The following BBS9 variants were observed in gnomAD, a reference collection of about 807,000 sequenced individuals.
BBS9 encodes the protein Bardet-Biedl syndrome 9, also known as protein PTHB1.
In BBS9, 89 loss-of-function variants were observed where a neutral mutation model predicts 117.7. The ratio of observed to expected loss-of-function variants is 0.76; its 90% confidence interval spans 0.64 to 0.90. BBS9 has a LOEUF of 0.90. BBS9 is among the 40% of genes least tolerant of loss of function. The pLI is 0.00. For missense variants in BBS9, 982 were observed against 1,042.2 expected, an observed-to-expected ratio of 0.94 and a Z score of 0.80; for synonymous variants, 379 against 370.9, an observed-to-expected ratio of 1.02 and a Z score of -0.25.
At chr7:33,543,046 A>G (rs1463595179) in intron 21 of BBS9, among the ~76,000 whole-genome samples, 2 of 152,124 alleles carry the variant, frequency 1.3e-5, no homozygotes, top group Non-Finnish European at 2.9e-5. Context: ...CACTGTTTCC[A>G]TAGTGGTTGT....
At chr7:33,454,783 A>G (rs1030158199) in intron 19 of BBS9, among the ~76,000 whole-genome samples, 2 of 152,202 alleles carry the variant, frequency 1.3e-5, no homozygotes, top group Admixed American at 6.5e-5. Flanking sequence ...CAGTTTGGGC[A>G]GGGAATTCTG....
intron 21 of BBS9, among the ~76,000 whole-genome samples, chr7:33,548,400 G>T (rs948298690): frequency 6.6e-6 from 1 of 151,586 alleles, no homozygotes; most frequent in African/African-American, 2.4e-5. Flanking sequence ...ACATTGTGCA[G>T]GTTAGTTACA....
At chr7:33,580,296 C>T (rs1051673128) in intron 21 of BBS9, among the ~76,000 whole-genome samples, 6 of 151,090 alleles carry the variant, frequency 4.0e-5, no homozygotes, top group Admixed American at 1.3e-4. Context: ...GTTGATGACA[C>T]GTCTACTAGA....
chr7:33,586,180 TAAAC>T (rs1376198083), intron 21 of BBS9, among the ~76,000 whole-genome samples: 2 of 151,848 alleles, frequency 1.3e-5, no homozygotes, highest in African/African-American at 2.4e-5. Context: ...ATAAGGAACT[TAAAC>T]AAATAAACAA....
intron 21 of BBS9, among the ~76,000 whole-genome samples, chr7:33,611,840 T>A (rs2129214876): frequency 7.1e-6 from 1 of 140,374 alleles, no homozygotes; most frequent in African/African-American, 2.7e-5. Context: ...TTATATAATA[T>A]TATTATATAA....
chr7:33,531,730 A>G (rs973189568), intron 20 of BBS9, among the ~76,000 whole-genome samples: 6 of 152,196 alleles, frequency 3.9e-5, no homozygotes, highest in African/African-American at 9.6e-5. Context: ...AGAAGGGCCA[A>G]TGGGGTAGAC....
chr7:33,466,711 A>T (rs1436951774), intron 19 of BBS9, among the ~76,000 whole-genome samples: 1 of 152,142 alleles, frequency 6.6e-6, no homozygotes, highest in East Asian at 1.9e-4. Flanking sequence ...ACACTGGAAA[A>T]AAAGAAGGAT....
At chr7:33,495,264 C>T (rs1017080571) in intron 19 of BBS9, among the ~76,000 whole-genome samples, 7 of 152,136 alleles carry the variant, frequency 4.6e-5, no homozygotes, top group African/African-American at 1.7e-4. Context: ...TACCTGATCA[C>T]GTGTAATAAT....
chr7:33,280,469 A>T (rs1346905200), intron 9 of BBS9, among the ~76,000 whole-genome samples: 2 of 152,120 alleles, frequency 1.3e-5, no homozygotes, highest in East Asian at 1.9e-4. Context: ...CTGGATTTTC[A>T]TGTTTCTATT....
intron 5 of BBS9, among the ~76,000 whole-genome samples, chr7:33,228,220 C>G (rs1791667412): frequency 1.3e-5 from 2 of 152,056 alleles, no homozygotes; most frequent in African/African-American, 4.8e-5. Flanking sequence ...TTGCATTTCC[C>G]TGATAATCAG....
chr7:33,231,131 A>T (rs911988702), intron 5 of BBS9, among the ~76,000 whole-genome samples: 1 of 151,966 alleles, frequency 6.6e-6, no homozygotes, highest in Non-Finnish European at 1.5e-5. Context: ...TGTAAGATGA[A>T]CCCAATTTCC....
intron 19 of BBS9, among the ~76,000 whole-genome samples, chr7:33,464,697 A>C (rs1241542710): frequency 2.0e-5 from 3 of 151,838 alleles, no homozygotes; most frequent in Non-Finnish European, 4.4e-5. Flanking sequence ...TATATATTTA[A>C]TTAATATTTG....
intron 9 of BBS9, chr7:33,276,695 A>G (rs1373352706): frequency 6.6e-6 from 1 of 152,298 alleles, no homozygotes. Flanking sequence ...TCTGCAGCCA[A>G]CTGCAGGCTA....
intron 19 of BBS9, among the ~76,000 whole-genome samples, chr7:33,494,870 T>C (rs958766638): frequency 2.0e-5 from 3 of 152,178 alleles, no homozygotes; most frequent in African/African-American, 7.2e-5. Context: ...AGCCTGTGAT[T>C]GTAAAAATAA....
Position 33,533,891 on chromosome 7 carries a change from A to G in BBS9, c.2299-63A>G, listed in dbSNP as rs929927488. On this transcript the variant is annotated intron_variant, in intron 20 of 22. Transcript: ENST00000242067. Reference sequence around the variant, plus strand: ...AAACACTCAATAATCTGTATAATACATCAAGTGCCCACTTTTCTTATTGTC... The same window carrying G: ...AAACACTCAATAATCTGTATAATACGTCAAGTGCCCACTTTTCTTATTGTC... 2.6e-6 allele frequency: 4 copies of G among 1,542,188 alleles called. No homozygotes were observed. The African/African-American group carries it at 5.4e-5, about 21-fold the overall frequency.
intron 21 of BBS9, among the ~76,000 whole-genome samples, chr7:33,550,273 G>T (rs1027145015): frequency 6.6e-6 from 1 of 151,930 alleles, no homozygotes; most frequent in Admixed American, 6.6e-5. Flanking sequence ...TATTATTAAA[G>T]TTTTATTTTT....
At chr7:33,165,560 T>G (rs1376472178) in intron 4 of BBS9, among the ~76,000 whole-genome samples, 1 of 152,046 alleles carries the variant, frequency 6.6e-6, no homozygotes, top group Admixed American at 6.6e-5. Flanking sequence ...AAACTTCTCT[T>G]CTCGCTTTAT....
intron 19 of BBS9, among the ~76,000 whole-genome samples, chr7:33,485,054 A>G (rs527241912): frequency 2.0e-5 from 3 of 152,286 alleles, no homozygotes; most frequent in African/African-American, 7.2e-5. Context: ...CAGAAAACCA[A>G]ACACCTCATG....
intron 19 of BBS9, among the ~76,000 whole-genome samples, chr7:33,416,385 T>A (rs1032529002): frequency 2.0e-5 from 3 of 151,542 alleles, no homozygotes; most frequent in African/African-American, 7.3e-5. Flanking sequence ...CTTTTTGTAG[T>A]TTTTGTAAAA....
Sources: allele counts gnomAD v4.1 joint callset (sites outside exome capture counted in the v4.1 genomes callset), GRCh38; gene constraint gnomAD v4.1.1; transcripts MANE v1.5; gene names NCBI Gene and HGNC (gene_info 2026-07-23, HGNC 2026-07-21).